PCDHGB5: variants seen among roughly 807,000 people sequenced by gnomAD.
PCDHGB5 encodes the protein protocadherin gamma subfamily B, 5.
In PCDHGB5, 48 loss-of-function variants were observed where a neutral mutation model predicts 62.9. That is an observed-to-expected ratio of 0.76 (90% CI 0.61 to 0.97). PCDHGB5 has a LOEUF of 0.97. PCDHGB5 is among the 50% of genes least tolerant of loss of function. The pLI, the probability that PCDHGB5 is intolerant of heterozygous loss-of-function variation, is 0.00. For missense variants in PCDHGB5, 1,118 were observed against 1,198.6 expected (o/e 0.93, Z 0.99); for synonymous variants, 474 against 511.2 (o/e 0.93, Z 0.98).
chr5:141,494,782 C>T, intron 1 of PCDHGB5, 25 bp from the exon 2 acceptor site: 1 of 1,614,110 alleles, frequency 6.2e-7, no homozygotes. Context: ...GGTACTCAGC[C>T]CCTTTCCCTC....
At chr5:141,505,344 AGCT>A in intron 2 of PCDHGB5, 46 bp from the exon 3 acceptor site, 1 of 1,613,046 alleles carries the variant, frequency 6.2e-7, no homozygotes, top group South Asian at 1.1e-5. Flanking sequence ...GAGGGGCATG[AGCT>A]GTGCCGGCCT....
chr5:141,400,459 G>T lies in PCDHGB5; in HGVS notation c.2332G>T (p.Gly778Cys). 1 of 1,614,072 alleles carries T rather than the reference G, an allele frequency of 6.2e-7. No homozygotes were observed. Among genetic ancestry groups the T allele is most frequent in the African/African-American group, 1.3e-5 (1 of 75,070 alleles). The stretch of plus-strand genomic sequence containing the variant: ...GAGTTCAGGACAAGACATACTTTGT[G>T]GTGATTCATCTGGGGCCTTATTTCC... ...QLSSGQDILC[G>C]DSSGALFPLC... is the part of the protein sequence containing the mutation. The change falls in exon 1 of 4, where the codon GGT (glycine) becomes TGT (cysteine). Residue 778 changes from glycine to cysteine, a missense_variant. By Grantham distance (159) the Gly-to-Cys change is radical. This residue lies in a region of PCDHGB5 where 1,034 missense variants were observed against 1,029.1 expected (regional missense o/e 1.00). Coordinates refer to ENST00000617380, the MANE Select transcript of PCDHGB5 (RefSeq NM_018925.3).
At position 141,431,578 on chromosome 5, in the gene PCDHGB5, C is replaced by T. The variant is rs756332070; in HGVS notation, c.2397+31054C>T. 6.2e-7 allele frequency: 1 copy of T among 1,614,164 alleles called. No homozygotes were observed. On this transcript the variant is annotated intron_variant, in intron 1 of 3. Coordinates refer to ENST00000617380, the MANE Select transcript of PCDHGB5 (RefSeq NM_018925.3). This position sits in a 1 kb window ranked among gnomAD's most constrained non-coding sequence, Gnocchi z 4.8. ...ACGCTACCGACCCTGACGAAGGAGT[C>T]AATGCGGAAGTGAGGTATTCCTTCC...
In PCDHGB5 at chr5:141,504,261, A is replaced by AT. The variant is rs144925096; in HGVS notation, c.2457-1125dup. Among the ~76,000 whole-genome samples the AT allele has an allele frequency of 3.8e-3, 573 of 152,258 alleles. 3 individuals are homozygous for AT. The highest frequency in any genetic ancestry group is 0.012 in the African/African-American group (514 of 41,556). ...CAGAGAGTTCTTCTTATGGTTTAGT[A>AT]TTTTTTTAAATTATGAATCATTTCA... On this transcript the variant is annotated intron_variant, in intron 2 of 3. Transcript: ENST00000617380.
At chr5:141,433,084 T>G in intron 1 of PCDHGB5, 1 of 1,614,184 alleles carries the variant, frequency 6.2e-7, no homozygotes, top group Non-Finnish European at 8.5e-7. Flanking sequence ...AGCCCAACTA[T>G]GCAGACATGC....
At chr5:141,410,006 G>A (rs1201569227) in intron 1 of PCDHGB5, 8 of 1,613,156 alleles carry the variant, frequency 5.0e-6, no homozygotes, top group Non-Finnish European at 5.9e-6. Context: ...GGGACACAAC[G>A]CCTGGCTGTC....
At chr5:141,404,110 C>G (rs1283800962) in intron 1 of PCDHGB5, 1 of 1,613,336 alleles carries the variant, frequency 6.2e-7, no homozygotes, top group South Asian at 1.1e-5. Context: ...TCTGTTCTAT[C>G]CAGGAGAATC....
chr5:141,422,355 T>A, intron 1 of PCDHGB5: 1 of 1,557,416 alleles, frequency 6.4e-7, no homozygotes, highest in Non-Finnish European at 8.6e-7. Flanking sequence ...AAGATCAAGA[T>A]TCTGGAGAAA....
chr5:141,511,129 G>A lies in PCDHGB5; in HGVS notation c.2728G>A (p.Gly910Ser). ...GCGGGATGGCAAGGCCCCAGCAGGT[G>A]GCAATGGCAACAAGAAGAAGTCGGG... ...GKRDGKAPAGGNGNKKKSGKK... is the reference protein window; with the variant it reads ...GKRDGKAPAGSNGNKKKSGKK... Residue 910 changes from glycine to serine, a missense_variant, in exon 4 of 4, where the codon GGC becomes AGC. By Grantham distance (56) the Gly-to-Ser change is moderately conservative. Coordinates refer to ENST00000617380, the MANE Select transcript of PCDHGB5 (RefSeq NM_018925.3). 1 of 1,614,204 alleles carries A rather than the reference G, an allele frequency of 6.2e-7. No individual in the cohort carries two copies. Among genetic ancestry groups the A allele is most frequent in the Non-Finnish European group, 8.5e-7 (1 of 1,180,014 alleles).
intron 1 of PCDHGB5, among the ~76,000 whole-genome samples, chr5:141,401,792 T>C (rs1359997438): frequency 6.6e-6 from 1 of 152,212 alleles, no homozygotes; most frequent in Non-Finnish European, 1.5e-5. Context: ...CCTTAGTATG[T>C]GATTCAGTAA....
At chr5:141,418,732 G>A (rs747081573) in intron 1 of PCDHGB5, 1 of 1,613,994 alleles carries the variant, frequency 6.2e-7, no homozygotes, top group Non-Finnish European at 8.5e-7. Flanking sequence ...CTCAGCACGT[G>A]TTCTCTCTGG....
chr5:141,423,138 C>A (rs767107885), intron 1 of PCDHGB5: 3 of 1,613,606 alleles, frequency 1.9e-6, no homozygotes, highest in Non-Finnish European at 2.5e-6. Context: ...TGGACAGAGA[C>A]GCGCTCAAGC....
rs778586702 is a variant in PCDHGB5, at chr5:141,404,963, A to G, written c.2397+4439A>G. 8.7e-6 allele frequency: 14 copies of G among 1,613,744 alleles called. No homozygotes were observed. In the South Asian group the frequency reaches 1.5e-4, roughly 18 times the overall value. ...AGCCATAGCTGACAGCATCCCAGAC[A>G]TCCTGGCTGACCTGGGCAGTCTTCA... On this transcript the variant is annotated intron_variant, in intron 1 of 3. Transcript: ENST00000617380.
chr5:141,413,524 A>T lies in PCDHGB5; in HGVS notation c.2397+13000A>T, dbSNP rs772774054. The T allele has an allele frequency of 9.3e-6, 15 of 1,613,856 alleles. No individual in the cohort carries two copies. In the Admixed American group the frequency reaches 2.5e-4, roughly 27 times the overall value. ...GAGTTTTAATATCCTTGTGGAAGACAGGGTGAAACTTTTTGGGATAGAAAT... is the reference window on the plus strand; with the variant it reads ...GAGTTTTAATATCCTTGTGGAAGACTGGGTGAAACTTTTTGGGATAGAAAT... On this transcript the variant is annotated intron_variant, in intron 1 of 3. Coordinates refer to ENST00000617380, the MANE Select transcript of PCDHGB5 (RefSeq NM_018925.3).
chr5:141,483,946 T>C (rs374723616), intron 1 of PCDHGB5, among the ~76,000 whole-genome samples: 127 of 148,696 alleles, frequency 8.5e-4, no homozygotes, highest in Non-Finnish European at 1.5e-3. Flanking sequence ...ACGGTGTGAA[T>C]TGTGTTGTGT....
At position 141,432,065 on chromosome 5, in the gene PCDHGB5, AC is replaced by A; in HGVS notation, c.2397+31542del. 1.2e-6 allele frequency: 2 copies of A among 1,614,048 alleles called. No homozygotes were observed. The highest frequency in any genetic ancestry group is 1.7e-6 in the Non-Finnish European group (2 of 1,180,006). On this transcript the variant is annotated intron_variant, in intron 1 of 3. Transcript: ENST00000617380. The surrounding 1 kb of genome is among the most constrained non-coding windows in gnomAD (Gnocchi z 6.0). ...GGGAACCCCGCCCCTATCCACGGAA[AC>A]TCATATCTCGCTGAACGTGGCAGAC...
chr5:141,468,300 G>C (rs2099162063), intron 1 of PCDHGB5, among the ~76,000 whole-genome samples: 1 of 146,430 alleles, frequency 6.8e-6, no homozygotes, highest in Non-Finnish European at 1.5e-5. Flanking sequence ...ACCCCAGCCT[G>C]GGCAACAAGA....
At chr5:141,427,812 G>A (rs1380721111) in intron 1 of PCDHGB5, 1 of 1,524,286 alleles carries the variant, frequency 6.6e-7, no homozygotes, top group African/African-American at 1.4e-5. Context: ...CGCACAGAGC[G>A]GGGTGGTGGT....
At chr5:141,488,705 G>C (rs1024064135) in intron 1 of PCDHGB5, among the ~76,000 whole-genome samples, 8 of 152,200 alleles carry the variant, frequency 5.3e-5, no homozygotes, top group Non-Finnish European at 1.2e-4. Context: ...AGATTTTGCT[G>C]GTTCAAGCAA....
Sources: allele counts gnomAD v4.1 joint callset (sites outside exome capture counted in the v4.1 genomes callset), GRCh38; gene constraint gnomAD v4.1.1; regional missense constraint gnomAD v4.1.1; non-coding constraint Gnocchi (gnomAD v3.1); transcripts MANE v1.5; gene names NCBI Gene and HGNC (gene_info 2026-07-23, HGNC 2026-07-21).